The following CC2D2A variants were observed in gnomAD, a reference collection of about 807,000 sequenced individuals.
CC2D2A encodes the protein coiled-coil and C2 domain containing 2A, also known as coiled-coil and C2 domain-containing protein 2A.
A neutral mutation model predicts 212.9 loss-of-function variants in CC2D2A; 155 were observed. That is an observed-to-expected ratio of 0.73 (90% CI 0.64 to 0.83). CC2D2A has a LOEUF of 0.83. Ranked by LOEUF, CC2D2A falls within the 40% of genes least tolerant of loss-of-function variation. The pLI, the probability that CC2D2A is intolerant of heterozygous loss-of-function variation, is 0.00. For missense variants in CC2D2A, 1,856 were observed against 1,956.2 expected, an observed-to-expected ratio of 0.95 and a Z score of 0.97; for synonymous variants, 667 against 686.5, an observed-to-expected ratio of 0.97 and a Z score of 0.44.
At chr4:15,498,015 G>A (rs1387980661) in intron 4 of CC2D2A, among the ~76,000 whole-genome samples, 1 of 152,162 alleles carries the variant, frequency 6.6e-6, no homozygotes, top group African/African-American at 2.4e-5. Flanking sequence ...TGTTTTCTGA[G>A]GGGTCAGGTA....
intron 4 of CC2D2A, among the ~76,000 whole-genome samples, chr4:15,489,962 C>T (rs373009915): frequency 1.3e-5 from 2 of 152,154 alleles, no homozygotes; most frequent in South Asian, 4.1e-4. Flanking sequence ...TAGTGCTTGG[C>T]TCTCTTGTCT....
intron 23 of CC2D2A, among the ~76,000 whole-genome samples, chr4:15,561,097 T>C (rs1304873290): frequency 1.3e-5 from 2 of 152,208 alleles, no homozygotes; most frequent in South Asian, 2.1e-4. Context: ...AGCTGGTGCA[T>C]GTGCTTGGTG....
chr4:15,574,854 A>G (rs1379705239), intron 29 of CC2D2A, among the ~76,000 whole-genome samples: 1 of 152,240 alleles, frequency 6.6e-6, no homozygotes, highest in African/African-American at 2.4e-5. Context: ...CAGCTCTAGA[A>G]AAGAGTTTCC....
intron 29 of CC2D2A, among the ~76,000 whole-genome samples, chr4:15,575,496 T>C (rs995535916): frequency 6.6e-6 from 1 of 152,222 alleles, no homozygotes; most frequent in African/African-American, 2.4e-5. Flanking sequence ...TGTTAACTAC[T>C]AACCTATAGT....
At chr4:15,534,505 A>C (rs140622606) in intron 14 of CC2D2A, among the ~76,000 whole-genome samples, 40 of 152,296 alleles carry the variant, frequency 2.6e-4, no homozygotes, top group Non-Finnish European at 4.1e-4. Context: ...GTAAGCTTTG[A>C]TAATATTTCT....
chr4:15,515,074 G>T (rs1004062977), intron 9 of CC2D2A, among the ~76,000 whole-genome samples: 1 of 152,194 alleles, frequency 6.6e-6, no homozygotes, highest in Non-Finnish European at 1.5e-5. Flanking sequence ...ACTAATGGAA[G>T]ATATACCAGA....
chr4:15,545,546 A>C (rs1215724098), intron 17 of CC2D2A, among the ~76,000 whole-genome samples: 1 of 152,126 alleles, frequency 6.6e-6, no homozygotes, highest in African/African-American at 2.4e-5. Context: ...GGAGCAGTGT[A>C]GACTGTGATG....
chr4:15,600,997 CA>C (rs932116747), intron 36 of CC2D2A, among the ~76,000 whole-genome samples: 3 of 151,530 alleles, frequency 2.0e-5, no homozygotes, highest in Admixed American at 2.0e-4. Context: ...TAGGTACTTT[CA>C]AAAAGAGGGA....
chr4:15,558,070 T>G (rs1719379275), intron 21 of CC2D2A, among the ~76,000 whole-genome samples: 1 of 151,990 alleles, frequency 6.6e-6, no homozygotes, highest in Non-Finnish European at 1.5e-5. Flanking sequence ...CCTCCAGGTG[T>G]GGGGTGGAGG....
chr4:15,502,691 G>T, intron 5 of CC2D2A, 131 bp from the exon 6 acceptor site: 1 of 1,023,598 alleles, frequency 9.8e-7, no homozygotes, highest in Non-Finnish European at 1.4e-6. Context: ...TTATGCTTCA[G>T]AATTTAATGT....
At chr4:15,529,580 A>G (rs1717707417) in intron 13 of CC2D2A, among the ~76,000 whole-genome samples, 2 of 151,968 alleles carry the variant, frequency 1.3e-5, no homozygotes, top group Non-Finnish European at 2.9e-5. Flanking sequence ...CATCTTAGAC[A>G]TTTTCCTGTT....
intron 12 of CC2D2A, 61 bp downstream of exon 12, chr4:15,527,717 C>T (rs1311368001): frequency 2.3e-6 from 3 of 1,326,732 alleles, no homozygotes; most frequent in Non-Finnish European, 3.1e-6. Flanking sequence ...TGAGCCCAAA[C>T]AATGAAAATT....
intron 2 of CC2D2A, 119 bp from the exon 3 acceptor site, chr4:15,478,603 CT>C: frequency 1.4e-6 from 1 of 690,486 alleles, no homozygotes; most frequent in Non-Finnish European, 2.5e-6. Context: ...TGTCCCCCAA[CT>C]CACACTCAGC....
At position 15,555,183 on chromosome 4, in the gene CC2D2A, C is replaced by A; in HGVS notation, c.2598C>A (p.Asn866Lys). 1 of 1,613,858 alleles carries A rather than the reference C, an allele frequency of 6.2e-7. No homozygotes were observed. Among genetic ancestry groups the A allele is most frequent in the Non-Finnish European group, 8.5e-7 (1 of 1,179,826 alleles). Residue 866 changes from asparagine to lysine, a missense_variant, in exon 20 of 37, where the codon AAC becomes AAA. This residue lies in a region of CC2D2A where 1,512 missense variants were observed against 1,579.3 expected (regional missense o/e 0.96). Coordinates refer to ENST00000424120, the MANE Select transcript of CC2D2A (RefSeq NM_001378615.1). ...CCAAGCTCGACCCAAATGACCCCAACAATGCCCCTTTGATGCAGCTTATCT... is the reference window on the plus strand; with the variant it reads ...CCAAGCTCGACCCAAATGACCCCAAAAATGCCCCTTTGATGCAGCTTATCT... ...AESKLDPNDP[N>K]NAPLMQLISV...
intron 11 of CC2D2A, among the ~76,000 whole-genome samples, chr4:15,526,487 A>C (rs543648930): frequency 6.6e-6 from 1 of 152,330 alleles, no homozygotes; most frequent in South Asian, 2.1e-4. Flanking sequence ...GTTACCCATA[A>C]TTTAGGGAGA....
intron 4 of CC2D2A, chr4:15,481,684 G>A: frequency 6.0e-6 from 4 of 666,838 alleles, no homozygotes; most frequent in Non-Finnish European, 7.4e-6. Context: ...GCAGAACAGT[G>A]AGCCAAAATA....
chr4:15,527,866 G>A (rs796706522), intron 12 of CC2D2A, among the ~76,000 whole-genome samples: 27 of 152,270 alleles, frequency 1.8e-4, no homozygotes, highest in African/African-American at 6.3e-4. Context: ...GCACACACTC[G>A]CCCTAAACAG....
At chr4:15,591,194 A>C (rs1179627876) in intron 33 of CC2D2A, among the ~76,000 whole-genome samples, 1 of 150,388 alleles carries the variant, frequency 6.6e-6, no homozygotes, top group African/African-American at 2.4e-5. Flanking sequence ...TGGGGTATGG[A>C]CCCTTCTCTG....
chr4:15,598,285 G>A (rs149268032), intron 35 of CC2D2A, among the ~76,000 whole-genome samples: 1 of 152,102 alleles, frequency 6.6e-6, no homozygotes, highest in Non-Finnish European at 1.5e-5. Context: ...GATGTGCTAA[G>A]CACCAAAAAA....
Sources: gnomAD v4.1 joint callset for allele counts (sites outside exome capture counted in the v4.1 genomes callset) on GRCh38, gnomAD v4.1.1 for gene constraint, gnomAD v4.1.1 regional missense constraint, MANE v1.5 for transcripts, NCBI Gene and HGNC (gene_info 2026-07-23, HGNC 2026-07-21) for gene names.